Variants in OSBPL9 observed in about 807,000 individuals in gnomAD.
OSBPL9 encodes oxysterol-binding protein-related protein 9.
In OSBPL9, 40 loss-of-function variants were observed where a neutral mutation model predicts 106.6. The observed-to-expected ratio is 0.38, with a 90% CI of 0.29 to 0.49. The LOEUF is 0.49. Among genes scored for constraint, OSBPL9 ranks in the 20% least tolerant of loss-of-function variants. OSBPL9 has a pLI of 0.97. For synonymous variants in OSBPL9, 269 were observed against 295.4 expected (o/e 0.91, Z 0.92); for missense variants, 609 against 887.2 (o/e 0.69, Z 3.98).
the OSBPL9 span, among the ~76,000 whole-genome samples, chr1:51,535,981 G>A: frequency 6.6e-6 from 1 of 151,936 alleles, no homozygotes; most frequent in African/African-American, 2.4e-5. Context: ...GTGGGCATAT[G>A]CCTACATGCA....
At chr1:51,591,826 T>C (rs1447491121) in intron 1 of OSBPL9, among the ~76,000 whole-genome samples, 2 of 151,824 alleles carry the variant, frequency 1.3e-5, no homozygotes, top group Non-Finnish European at 2.9e-5. Flanking sequence ...AAGAGAAATA[T>C]TGGTATCTCG....
At chr1:51,560,411 G>A in the OSBPL9 span, among the ~76,000 whole-genome samples, 4 of 152,198 alleles carry the variant, frequency 2.6e-5, no homozygotes, top group African/African-American at 7.2e-5. Context: ...AAATAATAAG[G>A]GATAATAGTA....
chr1:51,610,708 C>T (rs1643981689), intron 2 of OSBPL9, among the ~76,000 whole-genome samples: 1 of 152,214 alleles, frequency 6.6e-6, no homozygotes, highest in Admixed American at 6.5e-5. Context: ...CAAATAAGTA[C>T]AAAGCGTAAG....
chr1:51,593,904 TCA>T (rs58936844), intron 1 of OSBPL9, among the ~76,000 whole-genome samples: 9,057 of 139,886 alleles, frequency 0.065, 386 homozygotes, highest in Admixed American at 0.16. Flanking sequence ...TAATCAGATT[TCA>T]CACACACACA....
At chr1:51,593,899 A>G (rs1645287862) in intron 1 of OSBPL9, among the ~76,000 whole-genome samples, 1 of 112,778 alleles carries the variant, frequency 8.9e-6, no homozygotes. Flanking sequence ...ATAATTAATC[A>G]GATTTCACAC....
intron 1 of OSBPL9, among the ~76,000 whole-genome samples, chr1:51,593,225 A>C (rs1362390169): frequency 6.6e-6 from 1 of 152,170 alleles, no homozygotes; most frequent in Non-Finnish European, 1.5e-5. Flanking sequence ...AAATGGAAAT[A>C]AATAAATAGT....
At chr1:51,595,075 G>C (rs1407803597) in intron 1 of OSBPL9, among the ~76,000 whole-genome samples, 1 of 152,184 alleles carries the variant, frequency 6.6e-6, no homozygotes, top group African/African-American at 2.4e-5. Flanking sequence ...GAGATCACCT[G>C]CATCCCCACA....
At chr1:51,656,803 G>C (rs572977730) in intron 2 of OSBPL9, among the ~76,000 whole-genome samples, 1 of 151,916 alleles carries the variant, frequency 6.6e-6, no homozygotes, top group African/African-American at 2.4e-5. Flanking sequence ...AGGACTACAG[G>C]TGTGCACCAC....
chr1:51,528,543 C>T, the OSBPL9 span, among the ~76,000 whole-genome samples: 4 of 146,494 alleles, frequency 2.7e-5, no homozygotes, highest in African/African-American at 5.1e-5. Flanking sequence ...GACTCTGTCT[C>T]GGGGAAAAAA....
intron 3 of OSBPL9, among the ~76,000 whole-genome samples, chr1:51,687,912 G>T (rs190891796): frequency 1.3e-5 from 2 of 152,332 alleles, no homozygotes; most frequent in Non-Finnish European, 2.9e-5. Context: ...GAGACAAGGA[G>T]CCTAGTGTGG....
intron 4 of OSBPL9, among the ~76,000 whole-genome samples, chr1:51,741,294 A>T (rs1024070442): frequency 6.6e-6 from 1 of 152,024 alleles, no homozygotes; most frequent in Non-Finnish European, 1.5e-5. Flanking sequence ...ATTAAACTGG[A>T]TACATAGATT....
chr1:51,573,961 TTTTTC>T (rs1243249909), upstream of OSBPL9: 2 of 152,188 alleles, frequency 1.3e-5, no homozygotes, highest in African/African-American at 4.8e-5. Flanking sequence ...TACCTTTATC[TTTTTC>T]TTTGTCTCCA....
At chr1:51,676,345 G>T (rs1276113267) in intron 3 of OSBPL9, among the ~76,000 whole-genome samples, 1 of 151,890 alleles carries the variant, frequency 6.6e-6, no homozygotes, top group Non-Finnish European at 1.5e-5. Flanking sequence ...CTGGAGAATT[G>T]CTTGAACTCG....
intron 1 of OSBPL9, among the ~76,000 whole-genome samples, chr1:51,592,505 A>G (rs1645282057): frequency 2.0e-5 from 3 of 152,320 alleles, no homozygotes; most frequent in East Asian, 1.9e-4. Flanking sequence ...GATTCAGTCC[A>G]ATAATTCAGC....
At chr1:51,770,852 G>T (rs1479802425) in intron 12 of OSBPL9, among the ~76,000 whole-genome samples, 1 of 152,128 alleles carries the variant, frequency 6.6e-6, no homozygotes. Context: ...GATTTTTACA[G>T]CAGTGAAACT....
chr1:51,529,345 C>T, the OSBPL9 span, among the ~76,000 whole-genome samples: 1 of 151,852 alleles, frequency 6.6e-6, no homozygotes, highest in East Asian at 1.9e-4. Context: ...GTTTGCCATT[C>T]TCCTGCCTCA....
In OSBPL9 at chr1:51,729,882, C is replaced by A; in HGVS notation, c.319-15654C>A. On this transcript the variant is annotated intron_variant, in intron 4 of 23. Transcript: ENST00000428468. This position sits in a 1 kb window ranked among gnomAD's most constrained non-coding sequence, Gnocchi z 5.1. ...AGTCAGGACCGCCTGCACCGCAGTC[C>A]GGGGATCGGGTCGAGGGGAGAAGAA... The A allele has an allele frequency of 7.9e-7, 1 of 1,258,340 alleles. No homozygotes were observed. The highest frequency in any genetic ancestry group is 1.5e-5 in the African/African-American group (1 of 64,992). 77.9% of individuals were successfully genotyped at this position (1,258,340 alleles called of 1,614,324 possible). A position where few individuals can be genotyped will look rare whatever the true frequency, so the allele number is the denominator to read the frequency against.
the OSBPL9 span, among the ~76,000 whole-genome samples, chr1:51,550,856 A>G: frequency 4.5e-3 from 685 of 152,328 alleles, 2 homozygotes; most frequent in Non-Finnish European, 6.0e-3. Flanking sequence ...GTCCTGGGAT[A>G]AATTGAAAGT....
intron 3 of OSBPL9, among the ~76,000 whole-genome samples, chr1:51,694,236 A>G (rs1415350124): frequency 1.3e-5 from 2 of 152,234 alleles, no homozygotes; most frequent in Non-Finnish European, 2.9e-5. Context: ...CCATTATACT[A>G]ACATTAATGA....
Sources: gnomAD v4.1 joint callset for allele counts (sites outside exome capture counted in the v4.1 genomes callset) on GRCh38, gnomAD v4.1.1 for gene constraint, Gnocchi (gnomAD v3.1) non-coding constraint, MANE v1.5 for transcripts, NCBI Gene and HGNC (gene_info 2026-07-23, HGNC 2026-07-21) for gene names.